Variants in CLCN3 observed in about 807,000 individuals in gnomAD.
The protein encoded by CLCN3 is H(+)/Cl(-) exchange transporter 3.
A neutral mutation model predicts 83.4 loss-of-function variants in CLCN3; 16 were observed. The ratio of observed to expected loss-of-function variants is 0.19; its 90% CI spans 0.13 to 0.29. CLCN3 has a LOEUF of 0.29. CLCN3 is among the 10% of genes least tolerant of loss of function. The pLI, the probability that CLCN3 is intolerant of heterozygous loss-of-function variation, is 1.00. For missense variants in CLCN3, 544 were observed against 1,006.0 expected (o/e 0.54, Z 6.21); for synonymous variants, 322 against 346.2 (o/e 0.93, Z 0.78).
chr4:169,620,817 C>T lies in CLCN3; in HGVS notation c.-263C>T. On this transcript the variant is annotated 5_prime_UTR_variant, in exon 1 of 13. Transcript: ENST00000513761. ...AGGTTGACTCTAGGGATCTCCAGAG[C>T]GAGAGGATTTAACTTCATGTTGCTC... 1 of 398,588 alleles carries T rather than the reference C, an allele frequency of 2.5e-6. No individual in the cohort carries two copies. The highest frequency in any genetic ancestry group is 3.6e-5 in the East Asian group (1 of 28,076). The allele number at this position is 398,588 out of a possible 1,614,324, so 24.7% of individuals were successfully genotyped here.
At chr4:169,654,887 A>G (rs1224787832) in intron 2 of CLCN3, among the ~76,000 whole-genome samples, 1 of 151,946 alleles carries the variant, frequency 6.6e-6, no homozygotes, top group Non-Finnish European at 1.5e-5. Context: ...CTATGAAAAT[A>G]CTCTGTTTCT....
rs1398346423 is a variant in CLCN3 at position 169,620,974 on chromosome 4, G to GGTA, written c.-104_-102dup. 2.0e-5 allele frequency: 8 copies of GGTA among 398,214 alleles called. No individual in the cohort carries two copies. Among genetic ancestry groups the GGTA allele is most frequent in the African/African-American group, 4.1e-5 (2 of 48,534 alleles). The allele number at this position is 398,214 out of a possible 1,614,324, so 24.7% of individuals were successfully genotyped here. A position where few individuals can be genotyped will look rare whatever the true frequency, so the allele number is the denominator to read the frequency against. On this transcript the variant is annotated 5_prime_UTR_variant, in exon 1 of 13. Coordinates refer to ENST00000513761, the MANE Select transcript of CLCN3 (RefSeq NM_001829.4). ...AGGCTTTCTTCGGTGGAGCTCCGAG[G>GGTA]GTAGCTAGGTTCTAGGTTTGAAACA... is the stretch of plus-strand genomic sequence containing the variant.
At chr4:169,642,035 A>T (rs1255782330) in intron 2 of CLCN3, among the ~76,000 whole-genome samples, 1 of 152,270 alleles carries the variant, frequency 6.6e-6, no homozygotes, top group Non-Finnish European at 1.5e-5. Flanking sequence ...AGGTGACGTA[A>T]AATGTAGATA....
At chr4:169,679,581 T>C (rs1237959140) in intron 2 of CLCN3, among the ~76,000 whole-genome samples, 2 of 152,132 alleles carry the variant, frequency 1.3e-5, no homozygotes, top group African/African-American at 4.8e-5. Context: ...ATCACGCCAC[T>C]GCACTCCAGC....
intron 2 of CLCN3, among the ~76,000 whole-genome samples, chr4:169,652,468 T>C (rs1001821417): frequency 4.6e-5 from 7 of 152,364 alleles, no homozygotes; most frequent in African/African-American, 1.7e-4. Context: ...AGTAGCTGTG[T>C]GGTTGCTCTA....
intron 5 of CLCN3, 115 bp downstream of exon 5, chr4:169,689,345 C>T: frequency 3.8e-6 from 3 of 790,386 alleles, no homozygotes; most frequent in South Asian, 4.3e-5. Flanking sequence ...TCAAATGGAT[C>T]CACCCTCAAC....
chr4:169,691,406 A>G (rs192224985), intron 6 of CLCN3, among the ~76,000 whole-genome samples: 2 of 152,292 alleles, frequency 1.3e-5, no homozygotes, highest in East Asian at 3.9e-4. Context: ...TTATGCTTTG[A>G]GAAAGTAGTT....
At chr4:169,706,669 G>GGA (rs1733006527) in intron 10 of CLCN3, among the ~76,000 whole-genome samples, 199 bp from the exon 11 acceptor site, 1 of 152,126 alleles carries the variant, frequency 6.6e-6, no homozygotes. Context: ...TATAAACAAA[G>GGA]AAAATTGGTG....
At chr4:169,709,196 A>G (rs1733105176) in intron 11 of CLCN3, among the ~76,000 whole-genome samples, 1 of 150,136 alleles carries the variant, frequency 6.7e-6, no homozygotes, top group Admixed American at 6.6e-5. Context: ...TATAATTGAT[A>G]TATATAATGA....
chr4:169,633,900 G>T (rs965417846), intron 1 of CLCN3, among the ~76,000 whole-genome samples: 2 of 152,064 alleles, frequency 1.3e-5, no homozygotes, highest in African/African-American at 4.8e-5. Flanking sequence ...ATGTATGCTG[G>T]CTGCTGCATC....
At chr4:169,624,083 AC>A (rs1773171062) in intron 1 of CLCN3, among the ~76,000 whole-genome samples, 1 of 152,216 alleles carries the variant, frequency 6.6e-6, no homozygotes, top group African/African-American at 2.4e-5. Flanking sequence ...TTTAAACTGA[AC>A]CTTGCCCAGT....
At chr4:169,662,234 A>C (rs968720222) in intron 2 of CLCN3, among the ~76,000 whole-genome samples, 2 of 152,178 alleles carry the variant, frequency 1.3e-5, no homozygotes, top group Admixed American at 6.5e-5. Context: ...GATCTAAATC[A>C]GTCCCACTCT....
chr4:169,709,732 C>G (rs542045928), intron 11 of CLCN3, among the ~76,000 whole-genome samples: 14 of 151,558 alleles, frequency 9.2e-5, no homozygotes, highest in Non-Finnish European at 1.8e-4. Flanking sequence ...ATGTTGTTCT[C>G]TGTTTCAGAG....
intron 2 of CLCN3, among the ~76,000 whole-genome samples, chr4:169,678,941 A>G (rs1195685211): frequency 6.6e-6 from 1 of 152,168 alleles, no homozygotes; most frequent in African/African-American, 2.4e-5. Flanking sequence ...CCTCCCAGAC[A>G]GGGTGGCGGC....
chr4:169,643,970 AGT>A (rs1161407851), intron 2 of CLCN3, among the ~76,000 whole-genome samples: 2 of 152,238 alleles, frequency 1.3e-5, no homozygotes, highest in East Asian at 3.8e-4. Context: ...AACTAAAGTG[AGT>A]GTGTCAGTTT....
At chr4:169,683,418 C>T (rs1385787057) in intron 3 of CLCN3, among the ~76,000 whole-genome samples, 1 of 152,164 alleles carries the variant, frequency 6.6e-6, no homozygotes, top group Non-Finnish European at 1.5e-5. Flanking sequence ...TCCCTTGAGC[C>T]TGGAAGTTCT....
At chr4:169,638,166 T>C (rs570127710) in intron 2 of CLCN3, among the ~76,000 whole-genome samples, 2 of 152,360 alleles carry the variant, frequency 1.3e-5, no homozygotes, top group East Asian at 3.9e-4. Context: ...TATGTTCTCT[T>C]ACTTTTTGTT....
At chr4:169,675,904 T>C (rs1271121543) in intron 2 of CLCN3, among the ~76,000 whole-genome samples, 1 of 152,200 alleles carries the variant, frequency 6.6e-6, no homozygotes, top group Non-Finnish European at 1.5e-5. Context: ...TTGGATTCGT[T>C]AGAATTTCTC....
chr4:169,649,050 G>A (rs1464176351), intron 2 of CLCN3, among the ~76,000 whole-genome samples: 1 of 150,302 alleles, frequency 6.7e-6, no homozygotes, highest in Non-Finnish European at 1.5e-5. Context: ...GTATGAATGT[G>A]AGAACATATA....
Sources: allele counts gnomAD v4.1 joint callset (sites outside exome capture counted in the v4.1 genomes callset), GRCh38; gene constraint gnomAD v4.1.1; transcripts MANE v1.5; gene names NCBI Gene and HGNC (gene_info 2026-07-23, HGNC 2026-07-21).